Variants in PCCB observed in about 807,000 individuals in gnomAD.
PCCB encodes the protein propionyl-CoA carboxylase subunit beta, also known as propionyl-CoA carboxylase beta chain, mitochondrial.
Under a neutral mutation model 60.7 loss-of-function variants are expected in PCCB, and 43 were observed. The ratio of observed to expected loss-of-function variants is 0.71; its 90% CI spans 0.55 to 0.91. PCCB has a LOEUF of 0.91. Among genes scored for constraint, PCCB ranks in the 40% least tolerant of loss-of-function variants. The pLI is 0.00. For synonymous variants in PCCB, 276 were observed against 255.9 expected (o/e 1.08, Z -0.75); for missense variants, 766 against 702.8 (o/e 1.09, Z -1.02).
intron 6 of PCCB, among the ~76,000 whole-genome samples, chr3:136,293,358 C>G (rs1374382354): frequency 6.6e-6 from 1 of 152,170 alleles, no homozygotes; most frequent in Non-Finnish European, 1.5e-5. Context: ...CATACAGTCT[C>G]CATATCTCAG....
At position 136,254,251 on chromosome 3, in the gene PCCB, C is replaced by G. The variant is rs951708359; in HGVS notation, c.184-1605C>G. 4.9e-4 allele frequency among the ~76,000 whole-genome samples: 75 copies of G among 151,760 alleles called. 2 individuals carry two copies. Among genetic ancestry groups the G allele is most frequent in the Non-Finnish European group, 1.5e-4 (10 of 67,954 alleles). On this transcript the variant is annotated intron_variant, in intron 1 of 14. Coordinates refer to ENST00000251654, the MANE Select transcript of PCCB (RefSeq NM_000532.5). ...TTTTGTTTTTTGAGACAGTGTCTCACCCTGTCACCCAGGCTGGAGTACAGT... is the reference window on the plus strand; with the variant it reads ...TTTTGTTTTTTGAGACAGTGTCTCAGCCTGTCACCCAGGCTGGAGTACAGT...
At chr3:136,300,059 C>T (rs886705370) in intron 8 of PCCB, among the ~76,000 whole-genome samples, 4 of 151,436 alleles carry the variant, frequency 2.6e-5, no homozygotes, top group African/African-American at 9.8e-5. Context: ...CACACACATG[C>T]ATATCAACAC....
intron 1 of PCCB, among the ~76,000 whole-genome samples, chr3:136,253,021 A>T (rs1576399735): frequency 7.4e-6 from 1 of 134,494 alleles, no homozygotes; most frequent in African/African-American, 2.8e-5. Flanking sequence ...GGAGGGGGGG[A>T]TAGGACAGTA....
chr3:136,256,237 C>T, intron 2 of PCCB: 1 of 571,242 alleles, frequency 1.8e-6, no homozygotes, highest in Non-Finnish European at 3.1e-6. Context: ...GCGACCGTAC[C>T]CTGCCTTGTG....
chr3:136,319,120 A>G (rs546756218), intron 10 of PCCB, among the ~76,000 whole-genome samples: 1 of 152,298 alleles, frequency 6.6e-6, no homozygotes, highest in East Asian at 1.9e-4. Flanking sequence ...ATGTGAAGTG[A>G]ATGGAATTGT....
chr3:136,280,857 T>G (rs1488093400), intron 5 of PCCB, among the ~76,000 whole-genome samples: 1 of 152,182 alleles, frequency 6.6e-6, no homozygotes, highest in Non-Finnish European at 1.5e-5. Context: ...GCTCACTATA[T>G]CGTCCAGGCT....
chr3:136,299,007 C>T (rs555798440), intron 8 of PCCB, among the ~76,000 whole-genome samples: 19 of 152,202 alleles, frequency 1.2e-4, no homozygotes, highest in South Asian at 2.1e-4. Context: ...TGTGTGTAGT[C>T]ATGGAGGGGA....
chr3:136,301,059 T>G lies in PCCB; in HGVS notation c.914T>G (p.Ile305Ser), dbSNP rs144907014. ...SDRLVPELDT[I>S]VPLESTKAYN... The stretch of plus-strand genomic sequence containing the variant: ...CGTCTGGTTCCTGAGCTTGACACAA[T>G]TGTCCCTTTGGAATCAACCAAAGCC... Residue 305 changes from isoleucine to serine, a missense_variant, in exon 9 of 15, where the codon ATT becomes AGT. By Grantham distance (142) the Ile-to-Ser change is moderately radical. Transcript: ENST00000251654. The G allele has an allele frequency of 5.0e-5, 81 of 1,614,068 alleles. No homozygotes were observed. The African/African-American group carries it at 1.1e-3, about 21-fold the overall frequency.
intron 5 of PCCB, among the ~76,000 whole-genome samples, chr3:136,273,602 T>TC (rs1576318304): frequency 7.3e-6 from 1 of 137,656 alleles, no homozygotes; most frequent in Non-Finnish European, 1.5e-5. Flanking sequence ...TTTTTCTTTT[T>TC]TTTTTTTTTT....
At chr3:136,300,703 C>T (rs1469390048) in intron 8 of PCCB, among the ~76,000 whole-genome samples, 1 of 152,172 alleles carries the variant, frequency 6.6e-6, no homozygotes, top group Non-Finnish European at 1.5e-5. Flanking sequence ...GTCTTGTTCA[C>T]TATAATGTCC....
At position 136,255,859 on chromosome 3, in the gene PCCB, A is replaced by G; in HGVS notation, c.187A>G (p.Lys63Glu). 1 of 1,614,002 alleles carries G rather than the reference A, an allele frequency of 6.2e-7. No homozygotes were observed. The highest frequency in any genetic ancestry group is 8.5e-7 in the Non-Finnish European group (1 of 1,179,824). ...RRIDAQHKRG[K>E]LTARERISLL... is the part of the protein sequence containing the mutation. ...AGTGATCTTTGTTCCATTGTAGGGA[A>G]AGCTAACAGCCAGGGAGAGGATCAG... Residue 63 changes from lysine (K) to glutamate (E), a missense_variant, in exon 2 of 15, where the codon AAG (lysine) becomes GAG (glutamate). By Grantham distance (56) the Lys-to-Glu change is moderately conservative (BLOSUM62 1). Transcript: ENST00000251654.
intron 3 of PCCB, among the ~76,000 whole-genome samples, chr3:136,257,210 C>T (rs1165970858): frequency 1.3e-5 from 2 of 152,126 alleles, no homozygotes; most frequent in Non-Finnish European, 2.9e-5. Flanking sequence ...AATATAATCA[C>T]AGGGTCCTTA....
At chr3:136,322,791 G>C (rs1021795087) in intron 10 of PCCB, among the ~76,000 whole-genome samples, 16 of 152,186 alleles carry the variant, frequency 1.1e-4, no homozygotes, top group Non-Finnish European at 2.1e-4. Flanking sequence ...GGTTGGTACT[G>C]AGGGCCTCAG....
At chr3:136,311,937 C>T (rs1934685005) in intron 9 of PCCB, among the ~76,000 whole-genome samples, 1 of 152,076 alleles carries the variant, frequency 6.6e-6, no homozygotes, top group Admixed American at 6.6e-5. Context: ...AAAACTAGAA[C>T]TAGATAAGTT....
chr3:136,320,318 A>G (rs996444353), intron 10 of PCCB, among the ~76,000 whole-genome samples: 1 of 152,152 alleles, frequency 6.6e-6, no homozygotes, highest in South Asian at 2.1e-4. Context: ...TTGTCTTTCA[A>G]TCCATGAACA....
chr3:136,279,671 A>T (rs1037978414), intron 5 of PCCB, among the ~76,000 whole-genome samples: 4 of 151,800 alleles, frequency 2.6e-5, no homozygotes, highest in Non-Finnish European at 4.4e-5. Context: ...TTATTTATTT[A>T]TTTATTTATT....
rs1365747029 is a variant in PCCB at position 136,311,618 on chromosome 3, G to T, written c.967-5323G>T. On this transcript the variant is annotated intron_variant, in intron 9 of 14. Transcript: ENST00000251654. ...GCCTTCCAAAGTGCTGGGATTTTAG[G>T]TGTGAGCCCCCAAGCCCAGCCCAGG... 2.0e-5 allele frequency among the ~76,000 whole-genome samples: 3 copies of T among 152,044 alleles called. No individual in the cohort carries two copies. In the East Asian group the frequency reaches 5.8e-4, roughly 29 times the overall value.
intron 10 of PCCB, among the ~76,000 whole-genome samples, chr3:136,323,529 A>T (rs1454819934): frequency 6.6e-6 from 1 of 152,118 alleles, no homozygotes; most frequent in Non-Finnish European, 1.5e-5. Context: ...CCTGCCTGTA[A>T]TCCCAGCACT....
At position 136,255,911 on chromosome 3, in the gene PCCB, T is replaced by C; in HGVS notation, c.239T>C (p.Val80Ala). 6.2e-7 allele frequency: 1 copy of C among 1,614,216 alleles called. No individual in the cohort carries two copies. Among genetic ancestry groups the C allele is most frequent in the Non-Finnish European group, 8.5e-7 (1 of 1,180,022 alleles). ...CTCTTGCTGGACCCTGGCAGCTTTGTTGAGAGCGACATGTTTGTGGAACAC... is the reference window on the plus strand; with the variant it reads ...CTCTTGCTGGACCCTGGCAGCTTTGCTGAGAGCGACATGTTTGTGGAACAC... The part of the protein sequence containing the change: ...ISLLLDPGSF[V>A]ESDMFVEHRC... The change falls in exon 2 of 15, where the codon GTT becomes GCT. Residue 80 changes from valine to alanine, a missense_variant. Transcript: ENST00000251654.
Sources: allele counts gnomAD v4.1 joint callset (sites outside exome capture counted in the v4.1 genomes callset), GRCh38; gene constraint gnomAD v4.1.1; transcripts MANE v1.5; gene names NCBI Gene and HGNC (gene_info 2026-07-23, HGNC 2026-07-21).